The following PAPPA2 variants were observed in gnomAD, a reference collection of about 807,000 sequenced individuals.
The protein encoded by PAPPA2 is pappalysin-2.
A neutral mutation model predicts 176.4 loss-of-function variants in PAPPA2; 86 were observed. That is an observed-to-expected ratio of 0.49 (90% confidence interval 0.41 to 0.58). PAPPA2 has a LOEUF of 0.58. Ranked by LOEUF, PAPPA2 falls within the 20% of genes least tolerant of loss-of-function variation. PAPPA2 has a pLI of 0.00. For synonymous variants in PAPPA2, 809 were observed against 852.2 expected, an observed-to-expected ratio of 0.95 and a Z score of 0.88; for missense variants, 2,073 against 2,256.9, an observed-to-expected ratio of 0.92 and a Z score of 1.65.
At position 176,552,097 on chromosome 1, in the gene PAPPA2, C is replaced by T. The variant is rs534418334; in HGVS notation, c.-916-3310C>T. 8.5e-5 allele frequency among the ~76,000 whole-genome samples: 13 copies of T among 152,190 alleles called. No individual in the cohort carries two copies. The East Asian group carries it at 2.5e-3, about 29-fold the overall frequency. On this transcript the variant is annotated intron_variant, in intron 1 of 22. Coordinates refer to ENST00000367662, the MANE Select transcript of PAPPA2 (RefSeq NM_020318.3). ...CGACCCCATGTTATAGTGTCTCCTC[C>T]CTTCACCTGCCTCTGAGATTTCTTT... is the stretch of plus-strand genomic sequence containing the variant.
At chr1:176,619,090 CAGG>C (rs1655439449) in intron 3 of PAPPA2, among the ~76,000 whole-genome samples, 1 of 152,048 alleles carries the variant, frequency 6.6e-6, no homozygotes, top group Non-Finnish European at 1.5e-5. Flanking sequence ...CCAGGTAAAC[CAGG>C]ACATACTTCA....
chr1:176,674,349 G>A (rs1659170050), intron 4 of PAPPA2, among the ~76,000 whole-genome samples: 3 of 152,014 alleles, frequency 2.0e-5, no homozygotes, highest in South Asian at 2.1e-4. Flanking sequence ...TGAGATTTTG[G>A]TGTACCCATC....
intron 3 of PAPPA2, among the ~76,000 whole-genome samples, chr1:176,667,590 G>T (rs895172526): frequency 1.3e-5 from 2 of 152,122 alleles, no homozygotes; most frequent in African/African-American, 2.4e-5. Flanking sequence ...GAGGGATCAG[G>T]TCAAAGGTGA....
intron 17 of PAPPA2, among the ~76,000 whole-genome samples, chr1:176,773,690 T>G (rs1426256471): frequency 6.6e-6 from 1 of 152,198 alleles, no homozygotes; most frequent in East Asian, 1.9e-4. Flanking sequence ...GAAAGCATTT[T>G]ACAAACTTTG....
intron 3 of PAPPA2, among the ~76,000 whole-genome samples, chr1:176,660,769 C>G (rs1015583227): frequency 6.6e-6 from 1 of 152,052 alleles, no homozygotes; most frequent in South Asian, 2.1e-4. Flanking sequence ...TTGCATGATT[C>G]TTTTTTCCTG....
At chr1:176,468,255 G>A (rs1470127002) in intron 1 of PAPPA2, among the ~76,000 whole-genome samples, 1 of 152,102 alleles carries the variant, frequency 6.6e-6, no homozygotes, top group African/African-American at 2.4e-5. Context: ...TTTCATGGGA[G>A]AGCTTCAGAC....
chr1:176,650,613 C>G (rs2202591), intron 3 of PAPPA2, among the ~76,000 whole-genome samples: 37,777 of 151,206 alleles, frequency 0.25, 4,842 homozygotes, highest in South Asian at 0.33. Flanking sequence ...ATGTGTCCAA[C>G]TGTTCTCATT....
intron 16 of PAPPA2, among the ~76,000 whole-genome samples, chr1:176,770,673 TA>T (rs1664184270): frequency 6.6e-6 from 1 of 152,218 alleles, no homozygotes. Flanking sequence ...GCTATATTTT[TA>T]TTATATGTAG....
In PAPPA2 at chr1:176,702,631, T is replaced by A. The variant is rs202212814; in HGVS notation, c.3261T>A (p.Tyr1087Ter). ...GGGAGGTCACACCTGGACAGATGTATCAGTACCAAGTTCTAGCTGAAGCTG... is the reference window on the plus strand; with the variant it reads ...GGGAGGTCACACCTGGACAGATGTAACAGTACCAAGTTCTAGCTGAAGCTG... ...TDVEVTPGQMYQYQVLAEAGG... is the reference protein window; with the variant it reads ...TDVEVTPGQM The change falls in exon 9 of 23, where the codon TAT (tyrosine) becomes TAA (stop). Residue 1087 changes from tyrosine (Y) to a stop codon, truncating the protein, a stop_gained. Transcript: ENST00000367662. LOFTEE classifies it high-confidence loss of function. The A allele has an allele frequency of 6.2e-7, 1 of 1,614,068 alleles. No individual in the cohort carries two copies. The highest frequency in any genetic ancestry group is 8.5e-7 in the Non-Finnish European group (1 of 1,180,020).
rs375071363 is a variant in PAPPA2 at position 176,695,760 on chromosome 1, G to A, written c.2647G>A (p.Ala883Thr). The change falls in exon 7 of 23, where the codon GCT (alanine) becomes ACT (threonine). Residue 883 changes from alanine (A) to threonine (T), a missense_variant. Ala to Thr is a moderately conservative substitution (Grantham distance 58, BLOSUM62 0). Coordinates refer to ENST00000367662, the MANE Select transcript of PAPPA2 (RefSeq NM_020318.3). ...YDRASGSLCG[A>T]CTEDGTFRQY... ...CAGGGCCTCAGGCAGCTTGTGTGGC[G>A]CTTGCACTGAAGATGGGACCTTTCG... is the stretch of plus-strand genomic sequence containing the variant. 6.4e-5 allele frequency: 103 copies of A among 1,613,910 alleles called. No individual in the cohort carries two copies. The highest frequency in any genetic ancestry group is 7.0e-5 in the Non-Finnish European group (83 of 1,179,942).
chr1:176,481,818 C>A (rs1652416590), intron 1 of PAPPA2, among the ~76,000 whole-genome samples: 1 of 152,188 alleles, frequency 6.6e-6, no homozygotes, highest in Admixed American at 6.5e-5. Context: ...AATTCTCCTG[C>A]CTCAGCCTCC....
At chr1:176,628,979 A>G (rs1656189497) in intron 3 of PAPPA2, among the ~76,000 whole-genome samples, 1 of 152,338 alleles carries the variant, frequency 6.6e-6, no homozygotes, top group African/African-American at 2.4e-5. Context: ...TTCACCGGCA[A>G]TGGAAAAGCA....
chr1:176,675,979 A>G (rs1162906895), intron 4 of PAPPA2, among the ~76,000 whole-genome samples: 1 of 152,110 alleles, frequency 6.6e-6, no homozygotes, highest in Non-Finnish European at 1.5e-5. Context: ...CTATGAAACA[A>G]TGTTCAATAA....
In PAPPA2 at chr1:176,490,063, A is replaced by G. The variant is rs996801321; in HGVS notation, c.-917+26645A>G. On this transcript the variant is annotated intron_variant, in intron 1 of 22. Coordinates refer to ENST00000367662, the MANE Select transcript of PAPPA2 (RefSeq NM_020318.3). ...GCTGTCATTATTAGAACAGATTAGA[A>G]CAGGTGCTACTTGGGCCATGTTACT... Among the ~76,000 whole-genome samples, 4 of 152,170 alleles carry G rather than the reference A, an allele frequency of 2.6e-5. No individual in the cohort carries two copies. The East Asian group carries it at 7.7e-4, about 29-fold the overall frequency.
intron 14 of PAPPA2, among the ~76,000 whole-genome samples, chr1:176,761,042 C>T (rs1452885095): frequency 6.6e-6 from 1 of 151,982 alleles, no homozygotes; most frequent in Non-Finnish European, 1.5e-5. Flanking sequence ...AGGATGATCT[C>T]GATCTCCTGA....
At chr1:176,538,404 G>A (rs1650189172) in intron 1 of PAPPA2, among the ~76,000 whole-genome samples, 1 of 152,164 alleles carries the variant, frequency 6.6e-6, no homozygotes, top group Admixed American at 6.5e-5. Context: ...GGGAGGTGAA[G>A]GCATTCATCC....
At chr1:176,782,533 A>C in intron 17 of PAPPA2, among the ~76,000 whole-genome samples, 1 of 152,178 alleles carries the variant, frequency 6.6e-6, no homozygotes, top group African/African-American at 2.4e-5. Context: ...CAGTCAGGAG[A>C]AGATAAAAAA....
chr1:176,574,758 TA>T (rs1168266561), intron 2 of PAPPA2, among the ~76,000 whole-genome samples: 2 of 152,206 alleles, frequency 1.3e-5, no homozygotes, highest in African/African-American at 4.8e-5. Context: ...ATGTGTTGGT[TA>T]ACAAGACACC....
At chr1:176,782,957 TG>T (rs1664785609) in intron 17 of PAPPA2, among the ~76,000 whole-genome samples, 1 of 152,056 alleles carries the variant, frequency 6.6e-6, no homozygotes, top group South Asian at 2.1e-4. Context: ...AAGCAGGACT[TG>T]TTGATGGGTT....
Sources: gnomAD v4.1 joint callset for allele counts (sites outside exome capture counted in the v4.1 genomes callset) on GRCh38, gnomAD v4.1.1 for gene constraint, MANE v1.5 for transcripts, NCBI Gene and HGNC (gene_info 2026-07-23, HGNC 2026-07-21) for gene names.